Variants in ACKR2 observed in about 807,000 individuals in gnomAD.
ACKR2 encodes the protein atypical chemokine receptor 2.
For missense variants in ACKR2, 457 were observed against 477.3 expected, an observed-to-expected ratio of 0.96 and a Z score of 0.40; for synonymous variants, 207 against 192.2, an observed-to-expected ratio of 1.08 and a Z score of -0.64.
At chr3:42,834,392 G>A (rs1234011154) in intron 2 of ACKR2, among the ~76,000 whole-genome samples, 1 of 151,904 alleles carries the variant, frequency 6.6e-6, no homozygotes, top group East Asian at 1.9e-4. Flanking sequence ...TTTCGGTAGG[G>A]AAGACAGGGT....
chr3:42,856,563 A>C lies in ACKR2; in HGVS notation c.-37-7903A>C, dbSNP rs971146142. 34 of 570,606 alleles carry C rather than the reference A, an allele frequency of 6.0e-5. 1 individual carries two copies. In the South Asian group the frequency reaches 7.7e-4, roughly 13 times the overall value. 35.3% of individuals were successfully genotyped at this position (570,606 alleles called of 1,614,324 possible). Reference sequence around the variant, plus strand: ...AAGCTAACATCCTCACTATTATAAGACCTCATAAAATGAGCATCCCACCCA... The same window carrying C: ...AAGCTAACATCCTCACTATTATAAGCCCTCATAAAATGAGCATCCCACCCA... On this transcript the variant is annotated intron_variant, in intron 2 of 2. Coordinates refer to ENST00000422265, the MANE Select transcript of ACKR2 (RefSeq NM_001296.5).
At chr3:42,828,093 T>TATATATA (rs1553699769) in intron 2 of ACKR2, among the ~76,000 whole-genome samples, 84 of 70,550 alleles carry the variant, frequency 1.2e-3, no homozygotes, top group East Asian at 3.1e-3. Context: ...TATATATATA[T>TATATATA]TTTTTTTTTT....
intron 1 of ACKR2, among the ~76,000 whole-genome samples, chr3:42,819,314 T>C (rs1700785098): frequency 6.6e-6 from 1 of 152,222 alleles, no homozygotes; most frequent in South Asian, 2.1e-4. Context: ...TTATAATCTA[T>C]ATTTGTATAA....
At chr3:42,815,187 A>G (rs1700737263) in intron 1 of ACKR2, among the ~76,000 whole-genome samples, 2 of 152,202 alleles carry the variant, frequency 1.3e-5, no homozygotes, top group Admixed American at 6.5e-5. Context: ...ATTGGAAGTG[A>G]AATAGAATGG....
At chr3:42,836,991 G>A (rs961467760) in intron 2 of ACKR2, among the ~76,000 whole-genome samples, 3 of 152,172 alleles carry the variant, frequency 2.0e-5, no homozygotes, top group Non-Finnish European at 4.4e-5. Context: ...TCAATGGTTG[G>A]TGTAACACAG....
At chr3:42,840,681 T>C (rs544607646) in intron 2 of ACKR2, among the ~76,000 whole-genome samples, 1 of 152,292 alleles carries the variant, frequency 6.6e-6, no homozygotes, top group African/African-American at 2.4e-5. Context: ...CTTAACCTTT[T>C]TTTTGTTTTG....
At chr3:42,836,543 A>G (rs902950010) in intron 2 of ACKR2, among the ~76,000 whole-genome samples, 1 of 152,236 alleles carries the variant, frequency 6.6e-6, no homozygotes, top group African/African-American at 2.4e-5. Flanking sequence ...GAAACAACTC[A>G]GATGGAAAGG....
intron 2 of ACKR2, among the ~76,000 whole-genome samples, chr3:42,846,209 A>G (rs1362039969): frequency 1.3e-5 from 2 of 152,290 alleles, no homozygotes; most frequent in South Asian, 2.1e-4. Context: ...CCTGTCTGGA[A>G]TGAAACCCAG....
At chr3:42,814,589 G>C (rs1166122655) in intron 1 of ACKR2, among the ~76,000 whole-genome samples, 3 of 152,274 alleles carry the variant, frequency 2.0e-5, no homozygotes, top group African/African-American at 7.2e-5. Flanking sequence ...GTCGAACTTT[G>C]TTTAAACAAA....
intron 2 of ACKR2, among the ~76,000 whole-genome samples, chr3:42,830,053 A>C (rs1186409656): frequency 1.3e-5 from 2 of 152,220 alleles, no homozygotes; most frequent in African/African-American, 4.8e-5. Context: ...ACTTGTTTTC[A>C]ATACCCTCTT....
chr3:42,836,193 C>T (rs1246096233), intron 2 of ACKR2, among the ~76,000 whole-genome samples: 1 of 152,196 alleles, frequency 6.6e-6, no homozygotes, highest in Non-Finnish European at 1.5e-5. Context: ...ACACCTCTCT[C>T]CCACCTCCAA....
chr3:42,852,765 C>T lies in ACKR2; in HGVS notation c.-37-11701C>T, dbSNP rs1440032512. Among the ~76,000 whole-genome samples the T allele has an allele frequency of 6.6e-6, 1 of 152,200 alleles. No homozygotes were observed. The highest frequency in any genetic ancestry group is 1.5e-5 in the Non-Finnish European group (1 of 68,028). Reference sequence around the variant, plus strand: ...GGTTATTTTTGCAGTGGTAGCATCTCAGGGGACTTTTGTTTTTGTTTTTTG... The same window carrying T: ...GGTTATTTTTGCAGTGGTAGCATCTTAGGGGACTTTTGTTTTTGTTTTTTG... On this transcript the variant is annotated intron_variant, in intron 2 of 2. Coordinates refer to ENST00000422265, the MANE Select transcript of ACKR2 (RefSeq NM_001296.5). The surrounding 1 kb of genome is among the most constrained non-coding windows in gnomAD (Gnocchi z 4.3).
chr3:42,810,598 C>A (rs553443137), intron 1 of ACKR2, among the ~76,000 whole-genome samples: 84 of 152,150 alleles, frequency 5.5e-4, no homozygotes, highest in African/African-American at 2.0e-3. Flanking sequence ...ACATGCTCAC[C>A]CTATCTAAAA....
At chr3:42,813,536 C>CTACT (rs1313209130) in intron 1 of ACKR2, among the ~76,000 whole-genome samples, 3 of 152,104 alleles carry the variant, frequency 2.0e-5, no homozygotes, top group Non-Finnish European at 4.4e-5. Context: ...GGAAGAAGTG[C>CTACT]TACACACTTT....
chr3:42,821,764 T>C (rs1161445424), intron 2 of ACKR2, among the ~76,000 whole-genome samples: 1 of 152,012 alleles, frequency 6.6e-6, no homozygotes, highest in Non-Finnish European at 1.5e-5. Flanking sequence ...TGGCGCTATC[T>C]CGGCTCACTG....
intron 2 of ACKR2, among the ~76,000 whole-genome samples, chr3:42,850,179 G>C (rs907620817): frequency 6.6e-6 from 1 of 152,118 alleles, no homozygotes; most frequent in Non-Finnish European, 1.5e-5. Flanking sequence ...TTGGCCTAGA[G>C]AAACTTGGAG....
Position 42,846,728 on chromosome 3 carries a change from G to C in ACKR2, c.-37-17738G>C, listed in dbSNP as rs975450694. Among the ~76,000 whole-genome samples the C allele has an allele frequency of 2.6e-5, 4 of 152,264 alleles. No individual in the cohort carries two copies. In the East Asian group the frequency reaches 5.8e-4, roughly 22 times the overall value. On this transcript the variant is annotated intron_variant, in intron 2 of 2. Transcript: ENST00000422265. ...ATAAGAAGCGGTAAGACCACTGTTA[G>C]GTAAGAGCAAGTAATTCTAGGAAGG... is the stretch of plus-strand genomic sequence containing the variant.
At chr3:42,820,544 G>A (rs1431434128) in intron 2 of ACKR2, among the ~76,000 whole-genome samples, 1 of 143,274 alleles carries the variant, frequency 7.0e-6, no homozygotes, top group Non-Finnish European at 1.5e-5. Flanking sequence ...AGTGAGCCCA[G>A]ATCACGCCAC....
At chr3:42,850,044 G>A (rs898102011) in intron 2 of ACKR2, among the ~76,000 whole-genome samples, 3 of 152,062 alleles carry the variant, frequency 2.0e-5, no homozygotes, top group Admixed American at 1.3e-4. Context: ...TGTACAAAAG[G>A]GGGGAGGTGA....
Sources: gnomAD v4.1 joint callset for allele counts (sites outside exome capture counted in the v4.1 genomes callset) on GRCh38, gnomAD v4.1.1 for gene constraint, Gnocchi (gnomAD v3.1) non-coding constraint, MANE v1.5 for transcripts, NCBI Gene and HGNC (gene_info 2026-07-23, HGNC 2026-07-21) for gene names.